ACAD11: variants seen among roughly 807,000 people sequenced by gnomAD.
The protein encoded by ACAD11 is acyl-Coenzyme A dehydrogenase family, member 11.
ACAD11 carries 83 observed loss-of-function variants against 102.2 expected under a neutral mutation model. That is an observed-to-expected ratio of 0.81 (90% CI 0.68 to 0.97). The LOEUF (loss-of-function observed/expected upper bound fraction) is 0.97, where lower values mean the gene tolerates loss of function less well. ACAD11 is among the 50% of genes least tolerant of loss of function. The pLI, the probability that ACAD11 is intolerant of heterozygous loss-of-function variation, is 0.00. For missense variants in ACAD11, 901 were observed against 951.7 expected, an observed-to-expected ratio of 0.95 and a Z score of 0.70; for synonymous variants, 324 against 319.8, an observed-to-expected ratio of 1.01 and a Z score of -0.14.
At chr3:132,649,206 G>A (rs1455692076) in intron 1 of ACAD11, among the ~76,000 whole-genome samples, 3 of 152,212 alleles carry the variant, frequency 2.0e-5, no homozygotes, top group East Asian at 1.9e-4. Flanking sequence ...CCCCCAGCCC[G>A]ACACCCGTAG....
Position 132,627,501 on chromosome 3 carries a change from T to C in ACAD11, c.1071-684A>G, listed in dbSNP as rs1366066271. On this transcript the variant is annotated intron_variant, in intron 8 of 19. Transcript: ENST00000264990. Reference sequence around the variant, plus strand: ...GAACACAAATAATCATTATTCTTACTATTAATATATGCCTCACAAATATAG... The same window carrying C: ...GAACACAAATAATCATTATTCTTACCATTAATATATGCCTCACAAATATAG... Among the ~76,000 whole-genome samples the C allele has an allele frequency of 4.6e-5, 7 of 152,324 alleles. 1 individual carries two copies. Among genetic ancestry groups the C allele is most frequent in the Admixed American group, 4.6e-4 (7 of 15,306 alleles).
intron 17 of ACAD11, among the ~76,000 whole-genome samples, chr3:132,561,724 A>C (rs1937063872): frequency 6.6e-6 from 1 of 152,198 alleles, no homozygotes; most frequent in African/African-American, 2.4e-5. Context: ...TTTAGTAGAC[A>C]GTTGAATTAT....
Position 132,575,862 on chromosome 3 carries a change from C to T in ACAD11, c.1911G>A (p.Met637Ile), listed in dbSNP as rs1266462747. 6.2e-7 allele frequency: 1 copy of T among 1,614,066 alleles called. No homozygotes were observed. Among genetic ancestry groups the T allele is most frequent in the Admixed American group, 1.7e-5 (1 of 60,012 alleles). ...CGCGTTCCGCCAAACCTACTGTTCTCATACAGTGGTGGATTCTGCCAGGTC... is the reference window on the plus strand; with the variant it reads ...CGCGTTCCGCCAAACCTACTGTTCTTATACAGTGGTGGATTCTGCCAGGTC... ...RLGPGRIHHC[M>I]RTVGLAERAL... Residue 637 changes from methionine (M) to isoleucine (I), a missense_variant, in exon 17 of 20, where the codon ATG (methionine) becomes ATA (isoleucine). By Grantham distance (10) the Met-to-Ile change is conservative. Transcript: ENST00000264990.
rs147534699 is a variant in ACAD11, at chr3:132,564,180, C to T, written c.2002-2963G>A. On this transcript the variant is annotated intron_variant, in intron 17 of 19. Coordinates refer to ENST00000264990, the MANE Select transcript of ACAD11 (RefSeq NM_032169.5). ...CTGTATGATTATTTTTACATACTGCCAGATTCTATTCGGTAATACTTTGCT... is the reference window on the plus strand; with the variant it reads ...CTGTATGATTATTTTTACATACTGCTAGATTCTATTCGGTAATACTTTGCT... 7.9e-5 allele frequency among the ~76,000 whole-genome samples: 12 copies of T among 152,198 alleles called. No homozygotes were observed. In the East Asian group the frequency reaches 2.3e-3, roughly 29 times the overall value.
Position 132,619,461 on chromosome 3 carries a change from T to C in ACAD11, c.1275+7A>G, listed in dbSNP as rs1047180037. 4 of 1,565,374 alleles carry C rather than the reference T, an allele frequency of 2.6e-6. No individual in the cohort carries two copies. Among genetic ancestry groups the C allele is most frequent in the Non-Finnish European group, 3.4e-6 (4 of 1,159,588 alleles). On this transcript the variant is annotated splice_region_variant and intron_variant, in intron 10 of 19. Transcript: ENST00000264990. The stretch of plus-strand genomic sequence containing the variant: ...TATGAATTTTCTAGCGTTAAAGATT[T>C]TCTTACCTTGAGTTTATCAATCACT...
At chr3:132,589,257 A>T (rs1937974111) in intron 13 of ACAD11, among the ~76,000 whole-genome samples, 1 of 152,198 alleles carries the variant, frequency 6.6e-6, no homozygotes, top group Admixed American at 6.5e-5. Flanking sequence ...GCCTGAATGG[A>T]CTATGACAAA....
In ACAD11 at chr3:132,586,843, A is replaced by G. The variant is rs1206909810; in HGVS notation, c.1622-7285T>C. ...CACAGTGGCTCACGCCTGTAATCCC[A>G]ACACTTTGGGAAGCTGAGGTGGGCG... On this transcript the variant is annotated intron_variant, in intron 13 of 19. Transcript: ENST00000264990. Among the ~76,000 whole-genome samples, 3 of 152,368 alleles carry G rather than the reference A, an allele frequency of 2.0e-5. No individual in the cohort carries two copies. The East Asian group carries it at 5.8e-4, about 29-fold the overall frequency.
At chr3:132,638,725 G>A (rs1940369950) in intron 5 of ACAD11, among the ~76,000 whole-genome samples, 1 of 152,194 alleles carries the variant, frequency 6.6e-6, no homozygotes, top group South Asian at 2.1e-4. Context: ...TCAGGCATAT[G>A]CTTTTATAAT....
At chr3:132,624,712 A>G in intron 9 of ACAD11, among the ~76,000 whole-genome samples, 1 of 151,440 alleles carries the variant, frequency 6.6e-6, no homozygotes, top group Non-Finnish European at 1.5e-5. Context: ...TTGTTGAGAC[A>G]GGGTCTCACT....
chr3:132,570,981 G>A (rs1169402059), intron 17 of ACAD11, among the ~76,000 whole-genome samples: 2 of 152,152 alleles, frequency 1.3e-5, no homozygotes, highest in South Asian at 2.1e-4. Flanking sequence ...ACACACGCAT[G>A]TGTCTTTAAC....
intron 16 of ACAD11, among the ~76,000 whole-genome samples, 156 bp downstream of exon 16, chr3:132,576,788 T>G (rs766803283): frequency 2.6e-5 from 4 of 152,194 alleles, no homozygotes. Context: ...GGTGCAAAAG[T>G]AATTGCAGTT....
At position 132,558,947 on chromosome 3, in the gene ACAD11, T is replaced by TG; in HGVS notation, c.*23dup. 6.5e-7 allele frequency: 1 copy of TG among 1,547,980 alleles called. No individual in the cohort carries two copies. The highest frequency in any genetic ancestry group is 1.1e-5 in the South Asian group (1 of 87,732). ...TTGTATAAAGGAGAGTTTCTGCCAG[T>TG]GGGATGTGGCAGTGCCACCCTCCTT... is the stretch of plus-strand genomic sequence containing the variant. On this transcript the variant is annotated 3_prime_UTR_variant, in exon 20 of 20. Coordinates refer to ENST00000264990, the MANE Select transcript of ACAD11 (RefSeq NM_032169.5).
At chr3:132,638,382 A>C (rs1375146932) in intron 5 of ACAD11, among the ~76,000 whole-genome samples, 1 of 152,206 alleles carries the variant, frequency 6.6e-6, no homozygotes, top group Non-Finnish European at 1.5e-5. Flanking sequence ...TTCAAAACAA[A>C]AAGTTAAAAT....
chr3:132,623,283 T>C (rs1013032564), intron 9 of ACAD11, among the ~76,000 whole-genome samples: 1 of 152,200 alleles, frequency 6.6e-6, no homozygotes, highest in African/African-American at 2.4e-5. Context: ...TTGTATTATA[T>C]GATACAACCT....
chr3:132,602,425 A>G (rs1938650021), intron 13 of ACAD11, among the ~76,000 whole-genome samples: 1 of 152,148 alleles, frequency 6.6e-6, no homozygotes, highest in African/African-American at 2.4e-5. Context: ...CAAGTCTACC[A>G]CTGCCGATTG....
intron 11 of ACAD11, 67 bp from the exon 12 acceptor site, chr3:132,605,272 T>A: frequency 8.8e-7 from 1 of 1,135,254 alleles, no homozygotes; most frequent in African/African-American, 1.5e-5. Flanking sequence ...CACAACTTTA[T>A]GTAGAGAGTA....
At chr3:132,597,725 C>T (rs969948938) in intron 13 of ACAD11, among the ~76,000 whole-genome samples, 1 of 151,884 alleles carries the variant, frequency 6.6e-6, no homozygotes, top group African/African-American at 2.4e-5. Context: ...TTTTTACTCA[C>T]ATTTTTAGTA....
At chr3:132,634,646 G>A (rs536412677) in intron 5 of ACAD11, among the ~76,000 whole-genome samples, 5 of 152,128 alleles carry the variant, frequency 3.3e-5, no homozygotes, top group South Asian at 4.1e-4. Flanking sequence ...GCAAAGACTC[G>A]GAACCAACCC....
Position 132,559,919 on chromosome 3 carries a change from G to T in ACAD11, c.2142C>A (p.Ala714=). 2 of 1,613,038 alleles carry T rather than the reference G, an allele frequency of 1.2e-6. No homozygotes were observed. The highest frequency in any genetic ancestry group is 2.2e-5 in the South Asian group (2 of 90,910). ...KKEIAMIKVA[A]PRAVSKIVDW... Reference sequence around the variant, plus strand: ...CAACGATTTTGCTGACAGCCCGTGGGGCAGCCACTTTGATCATTGCAATCT... The same window carrying T: ...CAACGATTTTGCTGACAGCCCGTGGTGCAGCCACTTTGATCATTGCAATCT... Residue 714 remains alanine (A), a synonymous_variant, in exon 19 of 20, where the codon GCC becomes GCA. Coordinates refer to ENST00000264990, the MANE Select transcript of ACAD11 (RefSeq NM_032169.5).
Sources: allele counts gnomAD v4.1 joint callset (sites outside exome capture counted in the v4.1 genomes callset), GRCh38; gene constraint gnomAD v4.1.1; transcripts MANE v1.5; gene names NCBI Gene and HGNC (gene_info 2026-07-23, HGNC 2026-07-21).